CD109: variants seen among roughly 807,000 people sequenced by gnomAD.
CD109 encodes CD109 antigen.
Under a neutral mutation model 165.8 loss-of-function variants are expected in CD109, and 149 were observed. The observed-to-expected ratio is 0.90, with a 90% CI of 0.79 to 1.03. The LOEUF (loss-of-function observed/expected upper bound fraction) is 1.03. Among genes scored for constraint, CD109 ranks in the 50% least tolerant of loss-of-function variants. CD109 has a pLI of 0.00. For missense variants in CD109, 1,712 were observed against 1,677.8 expected (o/e 1.02, Z -0.36); for synonymous variants, 585 against 592.1 (o/e 0.99, Z 0.18).
At chr6:73,791,160 T>TACACACATACAC (rs1275595339) in intron 22 of CD109, among the ~76,000 whole-genome samples, 1 of 33,418 alleles carries the variant, frequency 3.0e-5, no homozygotes, top group African/African-American at 1.2e-4. Flanking sequence ...TATATATATA[T>TACACACATACAC]ATATATATAT....
chr6:73,718,004 T>A (rs529364846), intron 2 of CD109, among the ~76,000 whole-genome samples: 13 of 151,534 alleles, frequency 8.6e-5, no homozygotes, highest in Admixed American at 6.6e-5. Flanking sequence ...CATCTTTAGG[T>A]TTTTCCAAAT....
Position 73,762,761 on chromosome 6 carries a change from CT to C in CD109, c.877del (p.Ser293LeufsTer7), listed in dbSNP as rs1472108832. The C allele has an allele frequency of 6.2e-7, 1 of 1,604,668 alleles. No homozygotes were observed. Among genetic ancestry groups the C allele is most frequent in the Non-Finnish European group, 8.5e-7 (1 of 1,174,430 alleles). On this transcript the variant is annotated frameshift_variant, in exon 9 of 33. Transcript: ENST00000287097. LOFTEE classifies it high-confidence loss of function. ...AACAGATAAATGGATCTGCAAACTT[CT>C]CTTTTAATGATGAAGAGATGAAAAA... ...TFKINGSANF[S>X]FNDEEMKNVM...
chr6:73,695,975 C>T (rs915529570), upstream of CD109: 4 of 506,172 alleles, frequency 7.9e-6, no homozygotes, highest in South Asian at 2.2e-5. Context: ...TTTCTCACCC[C>T]CTGGATTTGC....
In CD109 at chr6:73,704,438, C is replaced by T. The variant is rs373318391; in HGVS notation, c.247+6866C>T. Among the ~76,000 whole-genome samples, 11 of 152,228 alleles carry T rather than the reference C, an allele frequency of 7.2e-5. No individual in the cohort carries two copies. The East Asian group carries it at 1.5e-3, about 21-fold the overall frequency. The stretch of plus-strand genomic sequence containing the variant: ...CTAAGCGCTGGTGTTCATTTTCAGC[C>T]GCAGAGAAACATGACTTGGGGTTTG... On this transcript the variant is annotated intron_variant, in intron 2 of 32. Transcript: ENST00000287097.
chr6:73,765,894 C>CTT, intron 10 of CD109, 36 bp from the exon 11 acceptor site: 1 of 1,426,826 alleles, frequency 7.0e-7, no homozygotes, highest in Non-Finnish European at 9.8e-7. Context: ...TACTTAAATC[C>CTT]TTTGTGTTTT....
At chr6:73,693,419 C>A (rs151248309), upstream of CD109, among the ~76,000 whole-genome samples, 1 of 152,212 alleles carries the variant, frequency 6.6e-6, no homozygotes, top group Non-Finnish European at 1.5e-5. Context: ...TCATGAGGAT[C>A]CACCCACAGA....
chr6:73,778,687 A>T (rs187272287), intron 15 of CD109, among the ~76,000 whole-genome samples: 1 of 151,750 alleles, frequency 6.6e-6, no homozygotes, highest in East Asian at 1.9e-4. Context: ...TTGTTTTCTT[A>T]TTGGTGCCTG....
At chr6:73,777,734 C>T (rs572790739) in intron 15 of CD109, among the ~76,000 whole-genome samples, 30 of 152,112 alleles carry the variant, frequency 2.0e-4, no homozygotes, top group African/African-American at 7.2e-4. Flanking sequence ...GATGTGCAGT[C>T]TTATTTCTGG....
Position 73,788,445 on chromosome 6 carries a change from A to G in CD109, c.2557-23A>G, listed in dbSNP as rs184707330. On this transcript the variant is annotated intron_variant, in intron 21 of 32. Transcript: ENST00000287097. ...AAACATGTGAGTAGAGACCATGTTA[A>G]TTGTGTTCATTTTTTTCAACAGGCT... 1,703 of 1,604,796 alleles carry G rather than the reference A, an allele frequency of 1.1e-3. 3 individuals are homozygous for G. Among genetic ancestry groups the G allele is most frequent in the Admixed American group, 3.4e-3 (198 of 57,682 alleles).
chr6:73,807,472 CT>C (rs1430865553), intron 25 of CD109, among the ~76,000 whole-genome samples: 2 of 152,102 alleles, frequency 1.3e-5, no homozygotes, highest in Non-Finnish European at 2.9e-5. Flanking sequence ...GTTACAATAT[CT>C]GTTAATTTAG....
chr6:73,720,007 A>T (rs1771885768), intron 2 of CD109, among the ~76,000 whole-genome samples: 1 of 152,224 alleles, frequency 6.6e-6, no homozygotes, highest in Admixed American at 6.5e-5. Context: ...ATATCCAAAG[A>T]TATGAAATCA....
chr6:73,796,258 G>A (rs1022535394), intron 23 of CD109, among the ~76,000 whole-genome samples: 5 of 152,096 alleles, frequency 3.3e-5, no homozygotes, highest in Admixed American at 2.6e-4. Context: ...GTGGGCTCCC[G>A]GCTTCAGCCT....
At chr6:73,769,220 C>T (rs186236854) in intron 14 of CD109, among the ~76,000 whole-genome samples, 1 of 152,236 alleles carries the variant, frequency 6.6e-6, no homozygotes, top group East Asian at 1.9e-4. Context: ...AATTATTACT[C>T]TCACTTTGAT....
intron 2 of CD109, among the ~76,000 whole-genome samples, chr6:73,697,843 G>T (rs1202139270): frequency 6.6e-6 from 1 of 152,136 alleles, no homozygotes; most frequent in Non-Finnish European, 1.5e-5. Flanking sequence ...GTTTCTTCAT[G>T]GGAGAAGGGG....
At chr6:73,788,378 C>A in intron 21 of CD109, 90 bp from the exon 22 acceptor site, 8 of 1,112,120 alleles carry the variant, frequency 7.2e-6, no homozygotes, top group Non-Finnish European at 1.0e-5. Flanking sequence ...TCAGACACAA[C>A]AGGTCAGATG....
chr6:73,785,198 C>T (rs369436953), intron 19 of CD109, among the ~76,000 whole-genome samples, 166 bp from the exon 20 acceptor site: 42 of 152,218 alleles, frequency 2.8e-4, no homozygotes, highest in African/African-American at 9.1e-4. Flanking sequence ...GTCAATTTGC[C>T]GTCATTCATT....
intron 13 of CD109, among the ~76,000 whole-genome samples, chr6:73,767,384 A>G (rs1450119319): frequency 6.6e-6 from 1 of 152,114 alleles, no homozygotes; most frequent in Non-Finnish European, 1.5e-5. Flanking sequence ...AAAGGACATG[A>G]TTTTATTCTT....
chr6:73,725,830 G>T (rs1772122965), intron 3 of CD109, among the ~76,000 whole-genome samples: 1 of 152,096 alleles, frequency 6.6e-6, no homozygotes. Context: ...CTTCTTTTAA[G>T]TCTTAAGTAT....
At position 73,768,214 on chromosome 6, in the gene CD109, C is replaced by T. The variant is rs1224689526; in HGVS notation, c.1657C>T (p.Leu553Phe). Residue 553 changes from leucine (L) to phenylalanine (F), a missense_variant, in exon 14 of 33, where the codon CTT (leucine) becomes TTT (phenylalanine). Transcript: ENST00000287097. ...ISDVLKIPVQ[L>F]VFKNKIKLYW... ...TGATGTTCTAAAAATTCCTGTTCAG[C>T]TTGTTTTTAAAAATAAGGTAAGATT... The T allele has an allele frequency of 6.4e-6, 10 of 1,572,202 alleles. No homozygotes were observed. Among genetic ancestry groups the T allele is most frequent in the Non-Finnish European group, 8.7e-6 (10 of 1,145,470 alleles).
Sources: allele counts gnomAD v4.1 joint callset (sites outside exome capture counted in the v4.1 genomes callset), GRCh38; gene constraint gnomAD v4.1.1; transcripts MANE v1.5; gene names NCBI Gene and HGNC (gene_info 2026-07-23, HGNC 2026-07-21).